Variants in ITGAM observed in about 807,000 individuals in gnomAD.
ITGAM encodes the protein integrin alpha-M.
Under a neutral mutation model 137.5 loss-of-function variants are expected in ITGAM, and 79 were observed. That is an observed-to-expected ratio of 0.57 (90% CI 0.48 to 0.69). The LOEUF (loss-of-function observed/expected upper bound fraction) is 0.69, where lower values mean the gene tolerates loss of function less well. Among genes scored for constraint, ITGAM ranks in the 30% least tolerant of loss-of-function variants. ITGAM has a pLI of 0.00. For synonymous variants in ITGAM, 583 were observed against 592.3 expected, an observed-to-expected ratio of 0.98 and a Z score of 0.23; for missense variants, 1,343 against 1,483.5, an observed-to-expected ratio of 0.91 and a Z score of 1.56.
chr16:31,332,688 C>G lies in ITGAM; in HGVS notation c.*981C>G, dbSNP rs1452194174. 6.6e-6 allele frequency: 1 copy of G among 152,116 alleles called. No homozygotes were observed. Among genetic ancestry groups the G allele is most frequent in the Non-Finnish European group, 1.5e-5 (1 of 68,012 alleles). 9.4% of individuals were successfully genotyped at this position (152,116 alleles called of 1,614,324 possible). A position where few individuals can be genotyped will look rare whatever the true frequency, so the allele number is the denominator to read the frequency against. Reference sequence around the variant, plus strand: ...TGGTCTGTATCTTGCTTTTTTTCACCAATATTTCTCAGACATCGGTTCATA... The same window carrying G: ...TGGTCTGTATCTTGCTTTTTTTCACGAATATTTCTCAGACATCGGTTCATA... On this transcript the variant is annotated 3_prime_UTR_variant, in exon 30 of 30. Coordinates refer to ENST00000544665, the MANE Select transcript of ITGAM (RefSeq NM_000632.4).
rs1382784531 is a variant in ITGAM at position 31,270,155 on chromosome 16, TTCCTTTCCTTTC to T, written c.428-798_428-787del. 4.7e-4 allele frequency among the ~76,000 whole-genome samples: 35 copies of T among 73,926 alleles called. 1 individual carries two copies. In the East Asian group the frequency reaches 0.012, roughly 26 times the overall value. 48.5% of individuals were successfully genotyped at this position (73,926 alleles called of 152,430 possible). A position where few individuals can be genotyped will look rare whatever the true frequency, so the allele number is the denominator to read the frequency against. On this transcript the variant is annotated intron_variant, in intron 5 of 29. Transcript: ENST00000544665. ...CTCCTTTGCTTTCCTTTCCTTTCCT[TTCCTTTCCTTTC>T]CTTTCCTTTCCTTTCCTTTCCTTTT...
chr16:31,321,706 T>C, intron 16 of ITGAM, 79 bp downstream of exon 16: 1 of 1,451,086 alleles, frequency 6.9e-7, no homozygotes. Flanking sequence ...CTGCCCAGCC[T>C]TCTGGCTGTC....
chr16:31,331,890 T>C lies in ITGAM; in HGVS notation c.*183T>C, dbSNP rs995493659. The C allele has an allele frequency of 1.8e-6, 1 of 554,534 alleles. No homozygotes were observed. The highest frequency in any genetic ancestry group is 4.6e-4 in the Middle Eastern group (1 of 2,160). 34.4% of individuals were successfully genotyped at this position (554,534 alleles called of 1,614,324 possible). A position where few individuals can be genotyped will look rare whatever the true frequency, so the allele number is the denominator to read the frequency against. ...GTGCAAGTGTCTGTGTGCAAGTGTG[T>C]GCACATGTGTGCGTGTGCGTGCATG... is the stretch of plus-strand genomic sequence containing the variant. On this transcript the variant is annotated 3_prime_UTR_variant, in exon 30 of 30. Transcript: ENST00000544665.
chr16:31,327,060 A>T, intron 22 of ITGAM, 125 bp downstream of exon 22: 1 of 784,882 alleles, frequency 1.3e-6, no homozygotes, highest in East Asian at 2.4e-5. Context: ...CTCAGCAAAC[A>T]CTCACTGACC....
At chr16:31,272,923 C>G (rs553909190) in intron 7 of ITGAM, among the ~76,000 whole-genome samples, 1 of 152,174 alleles carries the variant, frequency 6.6e-6, no homozygotes, top group Non-Finnish European at 1.5e-5. Flanking sequence ...AGTGCTAAGT[C>G]TCAGGGGAGA....
chr16:31,324,941 T>C lies in ITGAM; in HGVS notation c.2290-17T>C, dbSNP rs777186410. The C allele has an allele frequency of 6.3e-7, 1 of 1,598,688 alleles. No homozygotes were observed. Among genetic ancestry groups the C allele is most frequent in the East Asian group, 2.2e-5 (1 of 44,822 alleles). On this transcript the variant is annotated splice_polypyrimidine_tract_variant and intron_variant, in intron 18 of 29. Coordinates refer to ENST00000544665, the MANE Select transcript of ITGAM (RefSeq NM_000632.4). The surrounding 1 kb of genome is among the most constrained non-coding windows in gnomAD (Gnocchi z 4.5). ...TATTTTCTTTCCTTTCATTTGATCA[T>C]ATTTATTTTTTAAAAGTTTCCCTTT...
chr16:31,265,331 TC>T (rs2144257439), intron 2 of ITGAM, 63 bp from the exon 3 acceptor site: 1 of 872,516 alleles, frequency 1.1e-6, no homozygotes, highest in Admixed American at 3.4e-5. Flanking sequence ...TGGCAGAACT[TC>T]CTCTGTGGTC....
rs763165286 is a variant in ITGAM at position 31,297,792 on chromosome 16, A to G, written c.1545A>G (p.Gln515=). ...CTGTTCTCTACGGGGAGCAGGGCCA[A>G]CCCTGGGGCCGCTTTGGGGCAGCCC... The part of the protein sequence containing the change: ...CDAVLYGEQG[Q]PWGRFGAALT... Residue 515 remains glutamine, a synonymous_variant, in exon 14 of 30, where the codon CAA becomes CAG. Coordinates refer to ENST00000544665, the MANE Select transcript of ITGAM (RefSeq NM_000632.4). 1 of 1,607,724 alleles carries G rather than the reference A, an allele frequency of 6.2e-7. No individual in the cohort carries two copies. The highest frequency in any genetic ancestry group is 8.5e-7 in the Non-Finnish European group (1 of 1,177,788).
chr16:31,320,900 G>T (rs1049061144), intron 14 of ITGAM, among the ~76,000 whole-genome samples: 31 of 152,164 alleles, frequency 2.0e-4, no homozygotes, highest in African/African-American at 7.2e-4. Flanking sequence ...GGGGTTGGGC[G>T]TGGCGGCTCA....
intron 14 of ITGAM, among the ~76,000 whole-genome samples, chr16:31,312,517 C>T (rs1424731720): frequency 1.3e-5 from 2 of 152,226 alleles, no homozygotes; most frequent in East Asian, 1.9e-4. Context: ...GCCTTGACCT[C>T]CCAGGCTCAT....
At chr16:31,296,131 GTC>G (rs747397974) in intron 12 of ITGAM, among the ~76,000 whole-genome samples, 33 of 142,046 alleles carry the variant, frequency 2.3e-4, no homozygotes, top group Non-Finnish European at 4.7e-4. Context: ...TTTTAACAGA[GTC>G]TCTCTGTGTT....
At chr16:31,331,483 T>C in intron 29 of ITGAM, 153 bp from the exon 30 acceptor site, 1 of 679,594 alleles carries the variant, frequency 1.5e-6, no homozygotes, top group South Asian at 1.8e-5. Context: ...GTTTCTGTTT[T>C]TCTCCAGGCC....
rs375720306 is a variant in ITGAM, at chr16:31,330,286, C to T, written c.3061-22C>T. On this transcript the variant is annotated intron_variant, in intron 26 of 29. Transcript: ENST00000544665. ...CTGCCTTCGGCTTCCTTACCCGTCC[C>T]CTCCCCTCCTGCGTTCCCCAGAACT... 7 of 1,602,558 alleles carry T rather than the reference C, an allele frequency of 4.4e-6. No individual in the cohort carries two copies. In the African/African-American group the frequency reaches 8.0e-5, roughly 18 times the overall value.
At chr16:31,272,815 T>TA (rs1489107820) in intron 7 of ITGAM, among the ~76,000 whole-genome samples, 2 of 151,696 alleles carry the variant, frequency 1.3e-5, no homozygotes, top group East Asian at 3.9e-4. Context: ...AATACTCAGT[T>TA]AAAAAACCCA....
intron 14 of ITGAM, among the ~76,000 whole-genome samples, chr16:31,304,697 G>A (rs993234915): frequency 1.3e-5 from 2 of 152,166 alleles, no homozygotes; most frequent in East Asian, 1.9e-4. Flanking sequence ...TTTTCCCAGC[G>A]CCATTTACTG....
chr16:31,278,085 C>T lies in ITGAM; in HGVS notation c.1332C>T (p.Ser444=), dbSNP rs369781069. Residue 444 remains serine (S), a synonymous_variant, in exon 12 of 30, where the codon TCC becomes TCT. Coordinates refer to ENST00000544665, the MANE Select transcript of ITGAM (RefSeq NM_000632.4). ...MFRQNTGMWE[S]NANVKGTQIG... ...GGCAGAACACTGGCATGTGGGAGTC[C>T]AACGCTAATGTCAAGGGCACCCAGG... is the stretch of plus-strand genomic sequence containing the variant. The T allele has an allele frequency of 3.1e-6, 5 of 1,608,326 alleles. No individual in the cohort carries two copies. Among genetic ancestry groups the T allele is most frequent in the Non-Finnish European group, 4.2e-6 (5 of 1,177,602 alleles).
At chr16:31,294,193 C>CT (rs1229514229) in intron 12 of ITGAM, among the ~76,000 whole-genome samples, 1 of 152,078 alleles carries the variant, frequency 6.6e-6, no homozygotes, top group East Asian at 1.9e-4. Context: ...GATAGTTTGA[C>CT]TTTTTTACTT....
intron 2 of ITGAM, among the ~76,000 whole-genome samples, chr16:31,262,328 C>T (rs932460329): frequency 1.4e-5 from 2 of 138,674 alleles, no homozygotes; most frequent in Non-Finnish European, 3.0e-5. Context: ...CCTCCCTTCC[C>T]TCCCTTCCAT....
In ITGAM at chr16:31,324,999, G is replaced by A. The variant is rs763120042; in HGVS notation, c.2331G>A (p.Gln777=). 2.5e-6 allele frequency: 4 copies of A among 1,613,254 alleles called. No individual in the cohort carries two copies. In the South Asian group the frequency reaches 4.4e-5, roughly 18 times the overall value. Residue 777 remains glutamine, a synonymous_variant, in exon 19 of 30, where the codon CAG becomes CAA. Transcript: ENST00000544665. This position sits in a 1 kb window ranked among gnomAD's most constrained non-coding sequence, Gnocchi z 4.5. ...EKNCGNDNIC[Q]DDLSITFSFM... The stretch of plus-strand genomic sequence containing the variant: ...ATTGTGGCAATGACAACATCTGCCA[G>A]GATGACCTCAGCATCACCTTCAGTT...
Sources: gnomAD v4.1 joint callset for allele counts (sites outside exome capture counted in the v4.1 genomes callset) on GRCh38, gnomAD v4.1.1 for gene constraint, Gnocchi (gnomAD v3.1) non-coding constraint, MANE v1.5 for transcripts, NCBI Gene and HGNC (gene_info 2026-07-23, HGNC 2026-07-21) for gene names.